Variants in CXCL17 observed in about 807,000 individuals in gnomAD.
CXCL17 encodes C-X-C motif chemokine 17.
Under a neutral mutation model 15.5 loss-of-function variants are expected in CXCL17, and 9 were observed. The observed-to-expected ratio is 0.58, with a 90% confidence interval of 0.35 to 1.01. The LOEUF (loss-of-function observed/expected upper bound fraction) is 1.01. Ranked by LOEUF, CXCL17 falls within the 50% of genes least tolerant of loss-of-function variation. CXCL17 has a pLI of 0.02. For synonymous variants in CXCL17, 52 were observed against 52.3 expected (o/e 0.99, Z 0.02); for missense variants, 133 against 138.2 (o/e 0.96, Z 0.19).
intron 1 of CXCL17, among the ~76,000 whole-genome samples, chr19:42,442,072 A>G (rs1313310765): frequency 6.6e-6 from 1 of 152,156 alleles, no homozygotes; most frequent in Admixed American, 6.6e-5. Flanking sequence ...CACCATCATC[A>G]TTAAGTTTAG....
At chr19:42,442,354 C>G (rs1018696189) in intron 1 of CXCL17, among the ~76,000 whole-genome samples, 6 of 151,742 alleles carry the variant, frequency 4.0e-5, no homozygotes, top group African/African-American at 1.5e-4. Context: ...TGGCCTCAGC[C>G]TCCTGAGTAG....
At chr19:42,433,696 G>T (rs2040805724) in intron 2 of CXCL17, 80 bp downstream of exon 2, 3 of 1,167,248 alleles carry the variant, frequency 2.6e-6, no homozygotes, top group Non-Finnish European at 3.9e-6. Flanking sequence ...GATAACATCT[G>T]CATTGGTCTC....
chr19:42,433,784 TCA>T lies in CXCL17; in HGVS notation c.150_151del (p.Cys50Ter), dbSNP rs1208005534. On this transcript the variant is annotated stop_gained and frameshift_variant, in exon 2 of 4. Coordinates refer to ENST00000601181, the MANE Select transcript of CXCL17 (RefSeq NM_198477.3). LOFTEE classifies it high-confidence loss of function. ...GTTGCTGAATTACTGACCTTTGCAC[TCA>T]CATTCTTGGCCGCCTTCCTGGAGCC... 1.2e-6 allele frequency: 2 copies of T among 1,613,790 alleles called. No homozygotes were observed.
chr19:42,436,364 A>G (rs752519993), intron 1 of CXCL17, among the ~76,000 whole-genome samples: 1 of 152,182 alleles, frequency 6.6e-6, no homozygotes. Context: ...TGCCATTTAA[A>G]CTTTTCTAAC....
intron 3 of CXCL17, among the ~76,000 whole-genome samples, chr19:42,432,255 G>A (rs557550907): frequency 3.4e-5 from 5 of 147,780 alleles, no homozygotes; most frequent in African/African-American, 7.6e-5. Context: ...AGCAATTCGC[G>A]TGCCTCAACC....
At chr19:42,433,670 GGGTGAGGTCAGCTGA>G in intron 2 of CXCL17, 91 bp downstream of exon 2, 1 of 907,006 alleles carries the variant, frequency 1.1e-6, no homozygotes. Context: ...AGAGGGGAAT[GGGTGAGGTCAGCTGA>G]GATAACATCT....
intron 1 of CXCL17, among the ~76,000 whole-genome samples, chr19:42,438,385 T>A (rs868558559): frequency 0.06 from 4,020 of 66,960 alleles, 177 homozygotes; most frequent in African/African-American, 0.14. Flanking sequence ...AAAAAAAATA[T>A]ATATATATAT....
intron 1 of CXCL17, among the ~76,000 whole-genome samples, chr19:42,439,134 G>C (rs1378871611): frequency 6.6e-6 from 1 of 151,416 alleles, no homozygotes; most frequent in Non-Finnish European, 1.5e-5. Flanking sequence ...TCTGCCTGTA[G>C]TCCCAGCTAC....
rs2040909104 is a variant in CXCL17 at position 42,442,897 on chromosome 19, C to T, written c.-65G>A. 4 of 1,270,764 alleles carry T rather than the reference C, an allele frequency of 3.1e-6. No homozygotes were observed. The highest frequency in any genetic ancestry group is 1.8e-4 in the Middle Eastern group (1 of 5,432). 78.7% of individuals were successfully genotyped at this position (1,270,764 alleles called of 1,614,324 possible). A position where few individuals can be genotyped will look rare whatever the true frequency, so the allele number is the denominator to read the frequency against. ...AATGGAAGGTTCCCTGCTGGAGGCT[C>T]CTGATCCCTGGGGATGACTCAGGTC... On this transcript the variant is annotated 5_prime_UTR_variant, in exon 1 of 4. Coordinates refer to ENST00000601181, the MANE Select transcript of CXCL17 (RefSeq NM_198477.3).
rs368498856 is a variant in CXCL17, at chr19:42,439,826, G to T, written c.79+2928C>A. ...AGGGAAAGACTGAGAAACTATCCCA[G>T]GTTGGAGGAGACCTAGGAGATCTGA... On this transcript the variant is annotated intron_variant, in intron 1 of 3. Coordinates refer to ENST00000601181, the MANE Select transcript of CXCL17 (RefSeq NM_198477.3). 4.3e-4 allele frequency among the ~76,000 whole-genome samples: 66 copies of T among 152,324 alleles called. 1 individual carries two copies. Among genetic ancestry groups the T allele is most frequent in the African/African-American group, 1.5e-3 (64 of 41,568 alleles).
intron 1 of CXCL17, among the ~76,000 whole-genome samples, chr19:42,437,855 G>T (rs1420641387): frequency 1.3e-5 from 2 of 152,064 alleles, no homozygotes; most frequent in Non-Finnish European, 2.9e-5. Flanking sequence ...TAACTTTTCT[G>T]TGCCTCATTT....
chr19:42,431,531 G>A (rs1600157992), intron 3 of CXCL17, among the ~76,000 whole-genome samples: 1 of 151,846 alleles, frequency 6.6e-6, no homozygotes, highest in African/African-American at 2.4e-5. Context: ...GTATTTCCTT[G>A]TAAATTTGTC....
At chr19:42,431,631 A>G (rs2040782260) in intron 3 of CXCL17, among the ~76,000 whole-genome samples, 1 of 150,860 alleles carries the variant, frequency 6.6e-6, no homozygotes, top group African/African-American at 2.4e-5. Flanking sequence ...TTTCATTAAT[A>G]TATTGTGGAT....
chr19:42,442,803 C>G lies in CXCL17; in HGVS notation c.30G>C (p.Leu10=). 6.2e-7 allele frequency: 1 copy of G among 1,613,664 alleles called. No individual in the cohort carries two copies. The highest frequency in any genetic ancestry group is 8.5e-7 in the Non-Finnish European group (1 of 1,179,842). The change falls in exon 1 of 4, where the codon CTG becomes CTC. Residue 10 remains leucine (L), a synonymous_variant. Coordinates refer to ENST00000601181, the MANE Select transcript of CXCL17 (RefSeq NM_198477.3). ...TGGACATCAGCATTAGTGGCAGCAACAGGAGGAGGGAAGAGATTAGAACTT... is the reference window on the plus strand; with the variant it reads ...TGGACATCAGCATTAGTGGCAGCAAGAGGAGGAGGGAAGAGATTAGAACTT... The part of the protein sequence containing the change: MKVLISSLL[L]LLPLMLMSMV...
rs565001250 is a variant in CXCL17, at chr19:42,428,957, G to A, written c.287C>T (p.Pro96Leu). 4.3e-6 allele frequency: 7 copies of A among 1,614,088 alleles called. No homozygotes were observed. The highest frequency in any genetic ancestry group is 5.9e-6 in the Non-Finnish European group (7 of 1,179,964). ...KTRHQRHHRK[P>L]NKHSRACQQF... ...CTGGCAGGCTCTGGAATGCTTGTTT[G>A]GCTTTCTGTGGTGCCTTTGGTGTCC... The change falls in exon 4 of 4, where the codon CCA (proline) becomes CTA (leucine). Residue 96 changes from proline (P) to leucine (L), a missense_variant. By Grantham distance (98) the Pro-to-Leu change is moderately conservative. Coordinates refer to ENST00000601181, the MANE Select transcript of CXCL17 (RefSeq NM_198477.3).
chr19:42,433,863 G>A lies in CXCL17; in HGVS notation c.80-7C>T, dbSNP rs553760529. 3.1e-6 allele frequency: 5 copies of A among 1,612,246 alleles called. No homozygotes were observed. In the South Asian group the frequency reaches 4.4e-5, roughly 14 times the overall value. Reference sequence around the variant, plus strand: ...CTGTGGCCTCTGGCGACCCCTGTCGGAAGGAAACAGGTCACATCCAGACAC... The same window carrying A: ...CTGTGGCCTCTGGCGACCCCTGTCGAAAGGAAACAGGTCACATCCAGACAC... On this transcript the variant is annotated splice_polypyrimidine_tract_variant and splice_region_variant and intron_variant, in intron 1 of 3. Transcript: ENST00000601181.
chr19:42,436,907 A>G (rs8110598), intron 1 of CXCL17, among the ~76,000 whole-genome samples: 96,394 of 152,108 alleles, frequency 0.63, 31,909 homozygotes, highest in African/African-American at 0.85. Context: ...CAGAAGAGCT[A>G]TACTAATGTT....
Position 42,428,987 on chromosome 19 carries a change from G to A in CXCL17, c.263-6C>T, listed in dbSNP as rs747768276. ...TCTGTGGTGCCTTTGGTGTCCTAGG[G>A]TGCAAATAAAGGGGAGAGGCTAGTG... On this transcript the variant is annotated splice_polypyrimidine_tract_variant and splice_region_variant and intron_variant, in intron 3 of 3. Coordinates refer to ENST00000601181, the MANE Select transcript of CXCL17 (RefSeq NM_198477.3). 2 of 1,610,956 alleles carry A rather than the reference G, an allele frequency of 1.2e-6. No individual in the cohort carries two copies. The highest frequency in any genetic ancestry group is 1.7e-6 in the Non-Finnish European group (2 of 1,177,380).
chr19:42,428,850 A>G lies in CXCL17; in HGVS notation c.*34T>C. ...TGTGCTCACTGTCTTCTTGGCTGAG[A>G]ATGTTTAATTGGAAGAGTGGGCGCT... is the stretch of plus-strand genomic sequence containing the variant. On this transcript the variant is annotated 3_prime_UTR_variant, in exon 4 of 4. Transcript: ENST00000601181. The G allele has an allele frequency of 6.6e-7, 1 of 1,521,154 alleles. No homozygotes were observed. The allele number at this position is 1,521,154 out of a possible 1,614,324, so 94.2% of individuals were successfully genotyped here. A position where few individuals can be genotyped will look rare whatever the true frequency, so the allele number is the denominator to read the frequency against.
Sources: gnomAD v4.1 joint callset for allele counts (sites outside exome capture counted in the v4.1 genomes callset) on GRCh38, gnomAD v4.1.1 for gene constraint, MANE v1.5 for transcripts, NCBI Gene and HGNC (gene_info 2026-07-23, HGNC 2026-07-21) for gene names.